The following EXOC6B variants were observed in gnomAD, a reference collection of about 807,000 sequenced individuals.
The protein encoded by EXOC6B is exocyst complex component 6B, also known as SEC15 homolog B.
EXOC6B carries 54 observed loss-of-function variants against 113.5 expected under a neutral mutation model. The observed-to-expected ratio is 0.48, with a 90% confidence interval of 0.38 to 0.60. The LOEUF (loss-of-function observed/expected upper bound fraction) is 0.60, where lower values mean the gene tolerates loss of function less well. EXOC6B is among the 20% of genes least tolerant of loss of function. The probability of loss-of-function intolerance (pLI) is 0.00; values close to 1 mark genes in which losing one functional copy is unlikely to be tolerated. For missense variants in EXOC6B, 797 were observed against 977.5 expected, an observed-to-expected ratio of 0.82 and a Z score of 2.46; for synonymous variants, 357 against 339.0, an observed-to-expected ratio of 1.05 and a Z score of -0.58.
Position 72,367,176 on chromosome 2 carries a change from T to C in EXOC6B, c.2122+12553A>G, listed in dbSNP as rs1281047818. On this transcript the variant is annotated intron_variant, in intron 19 of 21. Transcript: ENST00000272427. Reference sequence around the variant, plus strand: ...AGGACAAAACATAGAAGAAAAACAATACTTTTGTAAGATTCTTACATTAAT... The same window carrying C: ...AGGACAAAACATAGAAGAAAAACAACACTTTTGTAAGATTCTTACATTAAT... 2.0e-5 allele frequency among the ~76,000 whole-genome samples: 3 copies of C among 152,032 alleles called. No individual in the cohort carries two copies. In the East Asian group the frequency reaches 5.8e-4, roughly 29 times the overall value.
At chr2:72,720,322 CA>C (rs1252665265) in intron 5 of EXOC6B, among the ~76,000 whole-genome samples, 1 of 152,074 alleles carries the variant, frequency 6.6e-6, no homozygotes, top group African/African-American at 2.4e-5. Flanking sequence ...CTAAGCACTC[CA>C]ATTGGAAGGC....
At chr2:72,309,102 C>A (rs756704547) in intron 20 of EXOC6B, among the ~76,000 whole-genome samples, 8 of 152,028 alleles carry the variant, frequency 5.3e-5, no homozygotes, top group Admixed American at 1.3e-4. Context: ...GGTGATGTTG[C>A]TTTCTATACC....
rs145633113 is a variant in EXOC6B at position 72,210,369 on chromosome 2, C to T, written c.2197-26182G>A. ...TTGCTAACTTTCCATTAATCCTAAA[C>T]AAAATGAACACGTCAATGTGAAGTA... On this transcript the variant is annotated intron_variant, in intron 20 of 21. Transcript: ENST00000272427. Among the ~76,000 whole-genome samples, 564 of 152,244 alleles carry T rather than the reference C, an allele frequency of 3.7e-3. 5 individuals are homozygous for T. The highest frequency in any genetic ancestry group is 0.013 in the African/African-American group (533 of 41,544).
At chr2:72,265,688 A>G (rs570521583) in intron 20 of EXOC6B, among the ~76,000 whole-genome samples, 196 of 151,486 alleles carry the variant, frequency 1.3e-3, no homozygotes, top group Non-Finnish European at 2.0e-3. Context: ...AGTCTTTGCT[A>G]TTGTGAATAG....
intron 8 of EXOC6B, among the ~76,000 whole-genome samples, chr2:72,550,039 A>G (rs375700670): frequency 8.5e-5 from 13 of 152,302 alleles, no homozygotes; most frequent in African/African-American, 2.4e-4. Flanking sequence ...AAAGGGAAGA[A>G]GTAGAGACAA....
At chr2:72,443,038 A>G (rs1343087021) in intron 18 of EXOC6B, among the ~76,000 whole-genome samples, 1 of 152,086 alleles carries the variant, frequency 6.6e-6, no homozygotes, top group Non-Finnish European at 1.5e-5. Flanking sequence ...ACAAGAAAAG[A>G]CACATAGGCA....
At chr2:72,590,631 G>T (rs1280893836) in intron 6 of EXOC6B, among the ~76,000 whole-genome samples, 1 of 151,948 alleles carries the variant, frequency 6.6e-6, no homozygotes, top group Admixed American at 6.6e-5. Flanking sequence ...GCACAGAACA[G>T]ATAGTTTTTA....
At chr2:72,464,306 G>A (rs567349242) in intron 18 of EXOC6B, 3 of 152,318 alleles carry the variant, frequency 2.0e-5, no homozygotes, top group African/African-American at 7.2e-5. Flanking sequence ...CAAGGTTTCT[G>A]TGAAGAGCAG....
At chr2:72,338,650 T>C (rs1688838063) in intron 19 of EXOC6B, among the ~76,000 whole-genome samples, 1 of 152,154 alleles carries the variant, frequency 6.6e-6, no homozygotes, top group South Asian at 2.1e-4. Flanking sequence ...ACTTTTTACA[T>C]ATATTAAAAA....
intron 20 of EXOC6B, among the ~76,000 whole-genome samples, chr2:72,239,656 C>T (rs1365837619): frequency 6.6e-6 from 1 of 152,082 alleles, no homozygotes; most frequent in Non-Finnish European, 1.5e-5. Context: ...TTTGACTGTT[C>T]TTTGTTTCCA....
chr2:72,419,480 G>T (rs1420505773), intron 18 of EXOC6B, among the ~76,000 whole-genome samples: 1 of 152,094 alleles, frequency 6.6e-6, no homozygotes, highest in Non-Finnish European at 1.5e-5. Context: ...TTTCTTGCAG[G>T]AAAAATTTAG....
rs1693918009 is a variant in EXOC6B, at chr2:72,408,219, T to C, written c.1981-28349A>G. On this transcript the variant is annotated intron_variant, in intron 18 of 21. Transcript: ENST00000272427. ...CACTGCTCAGTGAAATAAAAAAGGA[T>C]ACAAACAAATGGAAGAACATTCCAT... is the stretch of plus-strand genomic sequence containing the variant. 3.3e-5 allele frequency among the ~76,000 whole-genome samples: 5 copies of C among 151,980 alleles called. No homozygotes were observed. In the South Asian group the frequency reaches 8.3e-4, roughly 25 times the overall value.
At chr2:72,573,820 A>G (rs747046675) in intron 7 of EXOC6B, among the ~76,000 whole-genome samples, 1 of 152,210 alleles carries the variant, frequency 6.6e-6, no homozygotes, top group Non-Finnish European at 1.5e-5. Context: ...ATATAAAAGA[A>G]TGTAGTAGTT....
intron 6 of EXOC6B, among the ~76,000 whole-genome samples, chr2:72,644,454 C>A (rs1673528211): frequency 6.6e-6 from 1 of 152,170 alleles, no homozygotes; most frequent in Admixed American, 6.5e-5. Flanking sequence ...AAAGATACTC[C>A]TTGAGAAGAG....
chr2:72,774,596 T>C (rs866055989), intron 1 of EXOC6B, among the ~76,000 whole-genome samples: 1 of 152,216 alleles, frequency 6.6e-6, no homozygotes, highest in Admixed American at 6.5e-5. Context: ...TGTTGAAATA[T>C]ATATACATAT....
At chr2:72,197,997 G>A (rs1679274684) in intron 20 of EXOC6B, among the ~76,000 whole-genome samples, 1 of 152,192 alleles carries the variant, frequency 6.6e-6, no homozygotes, top group Non-Finnish European at 1.5e-5. Flanking sequence ...AGAGGAGAAT[G>A]TTGGATATTG....
chr2:72,582,537 G>T lies in EXOC6B; in HGVS notation c.670-6869C>A, dbSNP rs1010620626. On this transcript the variant is annotated intron_variant, in intron 6 of 21. Coordinates refer to ENST00000272427, the MANE Select transcript of EXOC6B (RefSeq NM_015189.3). ...GTCTCCAAAATAGAAAAGAAGTACAGAATTTTTTTTTTTTGAGATGGAGTT... is the reference window on the plus strand; with the variant it reads ...GTCTCCAAAATAGAAAAGAAGTACATAATTTTTTTTTTTTGAGATGGAGTT... Among the ~76,000 whole-genome samples the T allele has an allele frequency of 6.0e-5, 5 of 83,688 alleles. No individual in the cohort carries two copies. In the Admixed American group the frequency reaches 7.7e-4, roughly 13 times the overall value. 54.9% of individuals were successfully genotyped at this position (83,688 alleles called of 152,430 possible).
At chr2:72,346,849 C>T (rs1205804827) in intron 19 of EXOC6B, among the ~76,000 whole-genome samples, 1 of 151,996 alleles carries the variant, frequency 6.6e-6, no homozygotes, top group African/African-American at 2.4e-5. Context: ...CAAATAATAG[C>T]CAAGGATAAC....
chr2:72,512,988 A>T, intron 11 of EXOC6B, 144 bp downstream of exon 11: 1 of 921,704 alleles, frequency 1.1e-6, no homozygotes, highest in Non-Finnish European at 1.6e-6. Context: ...AATTTGAAGC[A>T]GCTACTTCTA....
Sources: allele counts gnomAD v4.1 joint callset (sites outside exome capture counted in the v4.1 genomes callset), GRCh38; gene constraint gnomAD v4.1.1; transcripts MANE v1.5; gene names NCBI Gene and HGNC (gene_info 2026-07-23, HGNC 2026-07-21).